Variants in DIP2C observed in about 807,000 individuals in gnomAD.
DIP2C encodes disco-interacting protein 2 homolog C.
In DIP2C, 33 loss-of-function variants were observed where a neutral mutation model predicts 192.4. The observed-to-expected ratio is 0.17, with a 90% CI of 0.13 to 0.23. The LOEUF (loss-of-function observed/expected upper bound fraction) is 0.23. DIP2C is among the 10% of genes least tolerant of loss of function. The pLI, the probability that DIP2C is intolerant of heterozygous loss-of-function variation, is 1.00. For missense variants in DIP2C, 1,537 were observed against 2,110.1 expected (o/e 0.73, Z 5.32); for synonymous variants, 979 against 864.1 (o/e 1.13, Z -2.33).
rs544509804 is a variant in DIP2C, at chr10:624,639, C to T, written c.85+64855G>A. Reference sequence around the variant, plus strand: ...CTCCAGGGCGGGCTCCAAAGTCCCACGGAGGAGGCGAGCGTCGGTCTTGCT... The same window carrying T: ...CTCCAGGGCGGGCTCCAAAGTCCCATGGAGGAGGCGAGCGTCGGTCTTGCT... On this transcript the variant is annotated intron_variant, in intron 1 of 36. Transcript: ENST00000280886. 5.3e-5 allele frequency among the ~76,000 whole-genome samples: 8 copies of T among 152,300 alleles called. No homozygotes were observed. In the East Asian group the frequency reaches 9.7e-4, roughly 18 times the overall value.
intron 1 of DIP2C, among the ~76,000 whole-genome samples, chr10:609,432 C>G (rs1230088115): frequency 6.6e-6 from 1 of 152,246 alleles, no homozygotes; most frequent in African/African-American, 2.4e-5. Context: ...GCTTGAAATA[C>G]TAGCCACATC....
At chr10:482,182 T>C (rs370615179) in intron 2 of DIP2C, among the ~76,000 whole-genome samples, 29 of 152,244 alleles carry the variant, frequency 1.9e-4, no homozygotes, top group African/African-American at 6.7e-4. Context: ...TGCAGCGGCA[T>C]GGCTGTCGGG....
At chr10:415,425 G>A (rs1589739797) in intron 7 of DIP2C, among the ~76,000 whole-genome samples, 2 of 152,116 alleles carry the variant, frequency 1.3e-5, no homozygotes, top group South Asian at 4.1e-4. Context: ...CACTTCACAC[G>A]CCAGTTTTGC....
intron 1 of DIP2C, among the ~76,000 whole-genome samples, chr10:572,939 A>C (rs1160435848): frequency 6.6e-6 from 1 of 152,194 alleles, no homozygotes; most frequent in Admixed American, 6.5e-5. Context: ...TTCAAGACTC[A>C]AGATGTCCCC....
chr10:398,989 G>A (rs1964202615), intron 10 of DIP2C, 120 bp downstream of exon 10: 1 of 801,818 alleles, frequency 1.2e-6, no homozygotes, highest in Non-Finnish European at 2.0e-6. Context: ...CCCTTATCGA[G>A]GCAACCGAAG....
intron 4 of DIP2C, among the ~76,000 whole-genome samples, chr10:425,979 A>AC (rs1966574077): frequency 6.6e-6 from 1 of 152,228 alleles, no homozygotes; most frequent in African/African-American, 2.4e-5. Context: ...CCCTCTTGCC[A>AC]CTTTTATTTG....
intron 1 of DIP2C, among the ~76,000 whole-genome samples, chr10:578,664 G>T (rs576034609): frequency 1.0e-3 from 158 of 152,260 alleles, no homozygotes; most frequent in African/African-American, 3.7e-3. Context: ...CCCTGCAGGG[G>T]CCCTATTCCT....
At chr10:679,548 C>T (rs1588759073) in intron 1 of DIP2C, among the ~76,000 whole-genome samples, 1 of 106,346 alleles carries the variant, frequency 9.4e-6, no homozygotes, top group East Asian at 3.0e-4. Flanking sequence ...GCTCCCCGCA[C>T]CCATCCTCCC....
At chr10:412,197 CTG>C (rs1489245067) in intron 8 of DIP2C, among the ~76,000 whole-genome samples, 2 of 152,242 alleles carry the variant, frequency 1.3e-5, no homozygotes, top group Admixed American at 6.5e-5. Context: ...CCCGTGAGAA[CTG>C]TGTCTTATTG....
intron 1 of DIP2C, among the ~76,000 whole-genome samples, chr10:552,764 G>A (rs1446555160): frequency 6.6e-6 from 1 of 152,242 alleles, no homozygotes; most frequent in East Asian, 1.9e-4. Flanking sequence ...CAGGAGAACA[G>A]TGTGAACCGG....
chr10:622,790 G>C (rs1853955028), intron 1 of DIP2C, among the ~76,000 whole-genome samples: 1 of 152,160 alleles, frequency 6.6e-6, no homozygotes, highest in African/African-American at 2.4e-5. Flanking sequence ...AGGTGGGAAT[G>C]TTAAGCTCAG....
intron 1 of DIP2C, among the ~76,000 whole-genome samples, chr10:586,098 G>A (rs1851005556): frequency 6.6e-6 from 1 of 152,104 alleles, no homozygotes; most frequent in African/African-American, 2.4e-5. Context: ...GGCAAAGTAA[G>A]GTCCAAGACC....
At chr10:615,573 C>G (rs538878073) in intron 1 of DIP2C, among the ~76,000 whole-genome samples, 3 of 152,126 alleles carry the variant, frequency 2.0e-5, no homozygotes, top group Admixed American at 2.0e-4. Flanking sequence ...TTTTACAAAA[C>G]GTCTATTTAC....
intron 31 of DIP2C, among the ~76,000 whole-genome samples, chr10:326,102 G>T (rs913479710): frequency 6.6e-6 from 1 of 152,236 alleles, no homozygotes; most frequent in Non-Finnish European, 1.5e-5. Flanking sequence ...GGTTGCTTGA[G>T]CCTGGGAGCG....
At chr10:309,360 T>A (rs571199625) in intron 32 of DIP2C, among the ~76,000 whole-genome samples, 1 of 151,972 alleles carries the variant, frequency 6.6e-6, no homozygotes, top group South Asian at 2.1e-4. Context: ...TAACCCCTAT[T>A]TCAAGCATCT....
At chr10:537,907 A>T (rs897046871) in intron 1 of DIP2C, among the ~76,000 whole-genome samples, 2 of 151,292 alleles carry the variant, frequency 1.3e-5, no homozygotes, top group African/African-American at 4.9e-5. Flanking sequence ...CTCCTGCCTC[A>T]GCCTCCCAAG....
intron 1 of DIP2C, among the ~76,000 whole-genome samples, chr10:547,997 C>G (rs904577565): frequency 1.3e-5 from 2 of 152,118 alleles, no homozygotes; most frequent in African/African-American, 2.4e-5. Flanking sequence ...TTGTGTGAAG[C>G]CTTTTTCAGC....
intron 1 of DIP2C, among the ~76,000 whole-genome samples, chr10:657,021 C>T (rs937252669): frequency 2.0e-5 from 3 of 152,108 alleles, no homozygotes; most frequent in Non-Finnish European, 2.9e-5. Flanking sequence ...TTCACATGGG[C>T]CATGTGGAAA....
chr10:552,230 G>A (rs886507255), intron 1 of DIP2C, among the ~76,000 whole-genome samples: 1 of 152,196 alleles, frequency 6.6e-6, no homozygotes, highest in Non-Finnish European at 1.5e-5. Context: ...GGAAAGCATC[G>A]TGAAGTTCCA....
Sources: gnomAD v4.1 joint callset for allele counts (sites outside exome capture counted in the v4.1 genomes callset) on GRCh38, gnomAD v4.1.1 for gene constraint, MANE v1.5 for transcripts, NCBI Gene and HGNC (gene_info 2026-07-23, HGNC 2026-07-21) for gene names.